Variants in RPH3A observed in about 807,000 individuals in gnomAD.
The protein encoded by RPH3A is rabphilin-3A.
Under a neutral mutation model 102.2 loss-of-function variants are expected in RPH3A, and 48 were observed. The observed-to-expected ratio is 0.47, with a 90% CI of 0.37 to 0.60. The LOEUF (loss-of-function observed/expected upper bound fraction) is 0.60, where lower values mean the gene tolerates loss of function less well. Among genes scored for constraint, RPH3A ranks in the 20% least tolerant of loss-of-function variants. RPH3A has a pLI of 0.00. For synonymous variants in RPH3A, 310 were observed against 324.3 expected (o/e 0.96, Z 0.47); for missense variants, 781 against 910.1 (o/e 0.86, Z 1.83).
intron 1 of RPH3A, among the ~76,000 whole-genome samples, chr12:112,689,112 C>G (rs2040288134): frequency 6.6e-6 from 1 of 152,150 alleles, no homozygotes; most frequent in African/African-American, 2.4e-5. Context: ...CTTTATTTGA[C>G]TCAGATGAGA....
Position 112,765,722 on chromosome 12 carries a change from T to C in RPH3A, c.-139-26421T>C, listed in dbSNP as rs577719330. Among the ~76,000 whole-genome samples, 74 of 152,348 alleles carry C rather than the reference T, an allele frequency of 4.9e-4. 1 individual carries two copies. The South Asian group carries it at 0.014, about 30-fold the overall frequency. ...CCATAAATACTGGCTTAAAAATAAC[T>C]GAAATCTTCACACTGAGGCTGGACC... On this transcript the variant is annotated intron_variant, in intron 1 of 21. Transcript: ENST00000543106.
At chr12:112,778,010 T>C (rs910273769) in intron 1 of RPH3A, among the ~76,000 whole-genome samples, 1 of 152,244 alleles carries the variant, frequency 6.6e-6, no homozygotes, top group Middle Eastern at 3.2e-3. Context: ...CACCAGCATT[T>C]ACAGAAAGAA....
chr12:112,753,229 A>G (rs2040797618), intron 1 of RPH3A, among the ~76,000 whole-genome samples: 1 of 152,032 alleles, frequency 6.6e-6, no homozygotes, highest in Non-Finnish European at 1.5e-5. Flanking sequence ...ACCCCTCCCA[A>G]AGGTGAGGGA....
chr12:112,874,374 G>A (rs2091176343), intron 10 of RPH3A, among the ~76,000 whole-genome samples: 1 of 152,148 alleles, frequency 6.6e-6, no homozygotes. Context: ...CTGTGCCTCA[G>A]TTTCCCCATC....
At chr12:112,770,554 G>C (rs1455734943) in intron 1 of RPH3A, among the ~76,000 whole-genome samples, 1 of 152,126 alleles carries the variant, frequency 6.6e-6, no homozygotes, top group African/African-American at 2.4e-5. Flanking sequence ...TTGTTGCCCA[G>C]GTTAGACTCG....
chr12:112,840,387 A>T (rs373243971), intron 4 of RPH3A, among the ~76,000 whole-genome samples: 85 of 152,200 alleles, frequency 5.6e-4, no homozygotes, highest in African/African-American at 2.0e-3. Context: ...TGTTAATTGT[A>T]GTCATCCTAT....
chr12:112,760,238 T>G (rs1249786740), intron 1 of RPH3A, among the ~76,000 whole-genome samples: 1 of 152,178 alleles, frequency 6.6e-6, no homozygotes. Context: ...GACCCAGATT[T>G]AAATCCTAGC....
intron 20 of RPH3A, among the ~76,000 whole-genome samples, chr12:112,895,068 G>A (rs1289583120): frequency 6.6e-6 from 1 of 151,856 alleles, no homozygotes; most frequent in Non-Finnish European, 1.5e-5. Flanking sequence ...AGATTGTCTG[G>A]GAACATATGT....
At chr12:112,836,541 A>G in intron 4 of RPH3A, 39 bp downstream of exon 4, 1 of 1,111,682 alleles carries the variant, frequency 9.0e-7, no homozygotes, top group South Asian at 1.5e-5. Context: ...ATTTTTTACA[A>G]ACTGTATTTT....
intron 3 of RPH3A, among the ~76,000 whole-genome samples, chr12:112,833,480 T>C (rs1402805816): frequency 1.1e-5 from 1 of 94,858 alleles, no homozygotes; most frequent in Non-Finnish European, 2.4e-5. Context: ...GGGACCTACC[T>C]TGGGAACATT....
At position 112,635,146 on chromosome 12, in the gene RPH3A, C is replaced by T. The variant is rs550119059; in HGVS notation, c.-140+59827C>T. 1.2e-4 allele frequency among the ~76,000 whole-genome samples: 19 copies of T among 152,250 alleles called. No individual in the cohort carries two copies. The South Asian group carries it at 2.1e-3, about 17-fold the overall frequency. On this transcript the variant is annotated intron_variant, in intron 1 of 21. Transcript: ENST00000543106. ...TAGGGTTTGAGAGCCATATGGTTTC[C>T]GTTTCAACTATGCCACTATAATATG...
intron 1 of RPH3A, among the ~76,000 whole-genome samples, chr12:112,600,166 G>C (rs1255784666): frequency 1.3e-5 from 2 of 152,076 alleles, no homozygotes; most frequent in African/African-American, 2.4e-5. Flanking sequence ...GCAGATTTAG[G>C]GCACTCCCTT....
At chr12:112,863,793 A>G (rs990012511) in intron 5 of RPH3A, among the ~76,000 whole-genome samples, 7 of 152,260 alleles carry the variant, frequency 4.6e-5, no homozygotes, top group African/African-American at 1.4e-4. Flanking sequence ...GTATCACTGA[A>G]GTGTAAGCTG....
At chr12:112,848,449 T>C (rs2042268595) in intron 5 of RPH3A, among the ~76,000 whole-genome samples, 1 of 152,082 alleles carries the variant, frequency 6.6e-6, no homozygotes, top group African/African-American at 2.4e-5. Flanking sequence ...GAACCCGGGG[T>C]CCCATGCCAG....
intron 2 of RPH3A, among the ~76,000 whole-genome samples, chr12:112,823,398 CTTGGAG>C (rs757818031): frequency 2.6e-5 from 4 of 152,202 alleles, no homozygotes; most frequent in Non-Finnish European, 5.9e-5. Context: ...TACCATCTAC[CTTGGAG>C]TAGGATTGTA....
chr12:112,576,981 T>C (rs1024550842), intron 1 of RPH3A, among the ~76,000 whole-genome samples: 5 of 146,324 alleles, frequency 3.4e-5, no homozygotes, highest in Admixed American at 2.9e-4. Context: ...AAATGGCTCA[T>C]TGCAGCCTTG....
intron 5 of RPH3A, among the ~76,000 whole-genome samples, chr12:112,862,980 T>C (rs570461116): frequency 6.6e-6 from 1 of 151,960 alleles, no homozygotes; most frequent in East Asian, 1.9e-4. Context: ...GAGGGGTGGG[T>C]GGGGTCCAGC....
At chr12:112,846,712 C>A (rs1466236297) in intron 4 of RPH3A, among the ~76,000 whole-genome samples, 7 of 152,196 alleles carry the variant, frequency 4.6e-5, no homozygotes, top group African/African-American at 1.7e-4. Context: ...GGTGTTTACC[C>A]CTGCCTTCCA....
chr12:112,806,990 G>A (rs1261565936), intron 2 of RPH3A, among the ~76,000 whole-genome samples: 1 of 152,026 alleles, frequency 6.6e-6, no homozygotes, highest in African/African-American at 2.4e-5. Context: ...AGTTTTCTTG[G>A]CAGTGGGAGC....
Sources: allele counts gnomAD v4.1 joint callset (sites outside exome capture counted in the v4.1 genomes callset), GRCh38; gene constraint gnomAD v4.1.1; transcripts MANE v1.5; gene names NCBI Gene and HGNC (gene_info 2026-07-23, HGNC 2026-07-21).